HLA-DQB1: variants seen among roughly 807,000 people sequenced by gnomAD.
HLA-DQB1 encodes HLA class II histocompatibility antigen, DQ beta 1 chain.
A neutral mutation model predicts 26.4 loss-of-function variants in HLA-DQB1; 13 were observed. The ratio of observed to expected loss-of-function variants is 0.49; its 90% confidence interval spans 0.32 to 0.78. The LOEUF (loss-of-function observed/expected upper bound fraction) is 0.78. Ranked by LOEUF, HLA-DQB1 falls within the 30% of genes least tolerant of loss-of-function variation. HLA-DQB1 has a pLI of 0.03. For synonymous variants in HLA-DQB1, 60 were observed against 129.1 expected, an observed-to-expected ratio of 0.46 and a Z score of 3.63; for missense variants, 158 against 326.2, an observed-to-expected ratio of 0.48 and a Z score of 3.97.
In HLA-DQB1 at chr6:32,666,397, G is replaced by T. The variant is rs281860937; in HGVS notation, c.109+102C>A. Reference sequence around the variant, plus strand: ...CAAGAGAGAGGAAATGTTGATGAAAGATTGTGTCCAAGATCATAGAGATCA... The same window carrying T: ...CAAGAGAGAGGAAATGTTGATGAAATATTGTGTCCAAGATCATAGAGATCA... On this transcript the variant is annotated intron_variant, in intron 1 of 4. Transcript: ENST00000434651. The T allele has an allele frequency of 2.8e-4, 130 of 460,704 alleles. 1 individual carries two copies. Among genetic ancestry groups the T allele is most frequent in the African/African-American group, 2.7e-3 (124 of 45,204 alleles). The allele number at this position is 460,704 out of a possible 1,614,324, so 28.5% of individuals were successfully genotyped here.
chr6:32,661,162 C>G (rs34644981), intron 4 of HLA-DQB1, among the ~76,000 whole-genome samples, 185 bp downstream of exon 4: 2,276 of 105,014 alleles, frequency 0.022, 33 homozygotes, highest in Middle Eastern at 0.032. Context: ...CTCTATCAGT[C>G]AGCTCTGTGA....
At chr6:32,661,068 G>A (rs9273548) in intron 4 of HLA-DQB1, among the ~76,000 whole-genome samples, 33,155 of 123,104 alleles carry the variant, frequency 0.27, 5,912 homozygotes, top group Middle Eastern at 0.43. Flanking sequence ...AAAGGAAGCT[G>A]AGGCTCTGAC....
exon 5 of HLA-DQB1, chr6:32,659,778 G>A (rs1283292418): frequency 6.6e-6 from 1 of 151,986 alleles, no homozygotes; most frequent in Non-Finnish European, 1.5e-5. Context: ...TCTTTTCAAG[G>A]TACAATCCTC....
chr6:32,666,198 C>T lies in HLA-DQB1; in HGVS notation c.109+301G>A, dbSNP rs34029741. Among the ~76,000 whole-genome samples, 1,875 of 150,782 alleles carry T rather than the reference C, an allele frequency of 0.012. 94 individuals are homozygous for T. The South Asian group carries it at 0.13, about 11-fold the overall frequency. On this transcript the variant is annotated intron_variant, in intron 1 of 4. Coordinates refer to ENST00000434651, the Ensembl canonical transcript of HLA-DQB1. ...GCTGTGTCTTTGGAGAAATTCATAT[C>T]TTCAAAAATAACCCCATGCTCACTT...
chr6:32,666,571 G>T, exon 1 of HLA-DQB1: 1 of 1,195,026 alleles, frequency 8.4e-7, no homozygotes, highest in Non-Finnish European at 1.2e-6. Flanking sequence ...GCTACCCGAA[G>T]GTCTCCGGGG....
chr6:32,666,121 C>A (rs9274493), intron 1 of HLA-DQB1, among the ~76,000 whole-genome samples: 22,783 of 107,348 alleles, frequency 0.21, 2,200 homozygotes, highest in South Asian at 0.28. Context: ...AATGCAGGAT[C>A]TCATAATCCT....
At chr6:32,665,177 G>T (rs281861960) in intron 1 of HLA-DQB1, 110 bp from the exon 2 acceptor site, 1 of 642,042 alleles carries the variant, frequency 1.6e-6, no homozygotes, top group Non-Finnish European at 2.4e-6. Flanking sequence ...TCCAGTTCCC[G>T]CCCGCCCGTG....
chr6:32,660,374 C>T, intron 4 of HLA-DQB1, 125 bp from the exon 5 acceptor site: 1 of 477,458 alleles, frequency 2.1e-6, no homozygotes. Context: ...GTATTGTCAT[C>T]ACCTCCCCCA....
intron 1 of HLA-DQB1, among the ~76,000 whole-genome samples, chr6:32,665,571 A>G (rs28746821): frequency 0.055 from 4,768 of 86,502 alleles, 1,034 homozygotes; most frequent in East Asian, 0.15. Context: ...TTACCCTCCC[A>G]AGTCCCGTTG....
At chr6:32,665,818 A>C (rs9274469) in intron 1 of HLA-DQB1, among the ~76,000 whole-genome samples, 1 of 122,054 alleles carries the variant, frequency 8.2e-6, no homozygotes, top group African/African-American at 3.1e-5. Flanking sequence ...GAGAAGTTAT[A>C]TAAAGTATTG....
chr6:32,666,585 C>T lies in HLA-DQB1; in HGVS notation c.23G>A (p.Arg8Gln), dbSNP rs1475259674. ...TGCTACCCGAAGGTCTCCGGGGATC[C>T]GCAAAGCCTTCTTCCAAGACATAAC... The change falls in exon 1 of 5, where the codon CGG (arginine) becomes CAG (glutamine). Residue 8 changes from arginine to glutamine, a missense_variant. Physicochemically the swap from Arg to Gln is conservative, Grantham distance 43. Coordinates refer to ENST00000434651, the Ensembl canonical transcript of HLA-DQB1. 6 of 1,176,184 alleles carry T rather than the reference C, an allele frequency of 5.1e-6. 2 individuals are homozygous for T. Among genetic ancestry groups the T allele is most frequent in the Non-Finnish European group, 7.4e-6 (6 of 812,296 alleles). The allele number at this position is 1,176,184 out of a possible 1,614,324, so 72.9% of individuals were successfully genotyped here.
intron 2 of HLA-DQB1, 80 bp downstream of exon 2, chr6:32,664,715 ACCT>A: frequency 2.4e-6 from 1 of 408,452 alleles, no homozygotes; most frequent in Non-Finnish European, 3.5e-6. Flanking sequence ...GATTTCAGAG[ACCT>A]CGCCCCCATC....
chr6:32,666,364 T>C (rs9274506), intron 1 of HLA-DQB1, 135 bp downstream of exon 1: 161,957 of 372,680 alleles, frequency 0.43, 43,083 homozygotes, highest in Admixed American at 0.59. Flanking sequence ...CAACATAGCT[T>C]TCTTTCCCAA....
At chr6:32,664,471 G>C in intron 2 of HLA-DQB1, 1 of 156,520 alleles carries the variant, frequency 6.4e-6, no homozygotes, top group Non-Finnish European at 1.2e-5. Flanking sequence ...TGGGGGCAGA[G>C]AGAACTGCTT....
At chr6:32,662,993 C>A (rs1554166878) in intron 2 of HLA-DQB1, 1 of 140,218 alleles carries the variant, frequency 7.1e-6, no homozygotes, top group East Asian at 2.1e-4. Context: ...GCTAATGAGC[C>A]TGTAATGTGA....
intron 1 of HLA-DQB1, among the ~76,000 whole-genome samples, chr6:32,666,043 G>A (rs281861229): frequency 9.0e-6 from 1 of 111,074 alleles, no homozygotes; most frequent in Non-Finnish European, 1.9e-5. Context: ...GCTCCACTCG[G>A]TCAGGAATAG....
At chr6:32,661,690 G>A (rs28724247) in intron 3 of HLA-DQB1, 9,233 of 363,792 alleles carry the variant, frequency 0.025, 1,552 homozygotes, top group Middle Eastern at 0.056. Flanking sequence ...CATAACCTTA[G>A]ACCCTAAGAT....
rs9274083 is a variant in HLA-DQB1 at position 32,662,361 on chromosome 6, C to T, written c.380-113G>A. 3.2e-5 allele frequency: 15 copies of T among 463,804 alleles called. 5 individuals are homozygous for T. The highest frequency in any genetic ancestry group is 2.8e-4 in the African/African-American group (11 of 39,002). The allele number at this position is 463,804 out of a possible 1,614,324, so 28.7% of individuals were successfully genotyped here. On this transcript the variant is annotated intron_variant, in intron 2 of 4. Transcript: ENST00000434651. Reference sequence around the variant, plus strand: ...ACCAGAGTGGAAAGATACCTGGAGTCGAAGTCTTGGATTAAGGTTCATTCA... The same window carrying T: ...ACCAGAGTGGAAAGATACCTGGAGTTGAAGTCTTGGATTAAGGTTCATTCA...
rs281864225 is a variant in HLA-DQB1 at position 32,661,845 on chromosome 6, C to A, written c.661+122G>T. The stretch of plus-strand genomic sequence containing the variant: ...TGCACTTGCCATGGAGCAAGAGGTG[C>A]TCTAGTCTCCTGTGATTCCCAGCTC... On this transcript the variant is annotated intron_variant, in intron 3 of 4. Coordinates refer to ENST00000434651, the Ensembl canonical transcript of HLA-DQB1. 12 of 774,382 alleles carry A rather than the reference C, an allele frequency of 1.5e-5. No homozygotes were observed. The South Asian group carries it at 2.0e-4, about 13-fold the overall frequency. The allele number at this position is 774,382 out of a possible 1,614,324, so 48.0% of individuals were successfully genotyped here. A position where few individuals can be genotyped will look rare whatever the true frequency, so the allele number is the denominator to read the frequency against.
Sources: gnomAD v4.1 joint callset for allele counts (sites outside exome capture counted in the v4.1 genomes callset) on GRCh38, gnomAD v4.1.1 for gene constraint, MANE v1.5 for transcripts, NCBI Gene and HGNC (gene_info 2026-07-23, HGNC 2026-07-21) for gene names.